Variants in DDR2 observed in about 807,000 individuals in gnomAD.
DDR2 encodes discoidin domain receptor tyrosine kinase 2.
Under a neutral mutation model 94.9 loss-of-function variants are expected in DDR2, and 27 were observed. The ratio of observed to expected loss-of-function variants is 0.28; its 90% CI spans 0.21 to 0.39. The LOEUF (loss-of-function observed/expected upper bound fraction) is 0.39, where lower values mean the gene tolerates loss of function less well. Ranked by LOEUF, DDR2 falls within the 10% of genes least tolerant of loss-of-function variation. The pLI is 1.00. For synonymous variants in DDR2, 382 were observed against 377.2 expected, an observed-to-expected ratio of 1.01 and a Z score of -0.15; for missense variants, 783 against 1,076.0, an observed-to-expected ratio of 0.73 and a Z score of 3.81.
chr1:162,636,373 G>T (rs548072092), intron 1 of DDR2, among the ~76,000 whole-genome samples: 46 of 152,288 alleles, frequency 3.0e-4, no homozygotes, highest in African/African-American at 1.1e-3. Flanking sequence ...GTTTAGCTGG[G>T]CTTCTCCTGG....
At chr1:162,656,626 G>A (rs1234106383) in intron 2 of DDR2, among the ~76,000 whole-genome samples, 1 of 151,172 alleles carries the variant, frequency 6.6e-6, no homozygotes, top group Non-Finnish European at 1.5e-5. Flanking sequence ...ATAGACTCTT[G>A]GTATGGGGGA....
intron 1 of DDR2, among the ~76,000 whole-genome samples, chr1:162,639,027 G>T (rs746898287): frequency 1.3e-5 from 2 of 151,502 alleles, no homozygotes; most frequent in African/African-American, 2.4e-5. Flanking sequence ...GTGCAGTGGC[G>T]CAATCTCGGC....
At chr1:162,715,342 G>A (rs545326128) in intron 2 of DDR2, among the ~76,000 whole-genome samples, 1 of 152,148 alleles carries the variant, frequency 6.6e-6, no homozygotes, top group South Asian at 2.1e-4. Flanking sequence ...GAAACATTAT[G>A]TTTTTAGAGC....
chr1:162,774,670 C>T (rs1647427459), intron 14 of DDR2, among the ~76,000 whole-genome samples: 2 of 152,044 alleles, frequency 1.3e-5, no homozygotes, highest in South Asian at 4.1e-4. Flanking sequence ...CAAACCAAAC[C>T]ACAGGACATA....
intron 1 of DDR2, among the ~76,000 whole-genome samples, chr1:162,644,071 G>T (rs138023863): frequency 6.6e-6 from 1 of 152,170 alleles, no homozygotes; most frequent in East Asian, 1.9e-4. Flanking sequence ...TAGGACTCTA[G>T]TAGGGACACC....
At chr1:162,774,653 A>T (rs1647425638) in intron 14 of DDR2, among the ~76,000 whole-genome samples, 1 of 152,190 alleles carries the variant, frequency 6.6e-6, no homozygotes, top group Non-Finnish European at 1.5e-5. Flanking sequence ...ATGAGGGGAA[A>T]CAAAACCAAA....
intron 2 of DDR2, among the ~76,000 whole-genome samples, chr1:162,702,147 T>C (rs959601927): frequency 6.6e-6 from 1 of 152,172 alleles, no homozygotes; most frequent in Non-Finnish European, 1.5e-5. Flanking sequence ...CTCTTTGTCT[T>C]ATTTTTCTTC....
At chr1:162,715,130 A>C (rs1171443217) in intron 2 of DDR2, among the ~76,000 whole-genome samples, 1 of 152,230 alleles carries the variant, frequency 6.6e-6, no homozygotes, top group Non-Finnish European at 1.5e-5. Context: ...TATGGAATTT[A>C]GAATGACCAG....
rs973596202 is a variant in DDR2 at position 162,632,569 on chromosome 1, G to A, written c.-254G>A. 2.4e-4 allele frequency: 37 copies of A among 152,304 alleles called. No homozygotes were observed. Among genetic ancestry groups the A allele is most frequent in the African/African-American group, 7.2e-4 (30 of 41,578 alleles). 9.4% of individuals were successfully genotyped at this position (152,304 alleles called of 1,614,324 possible). Reference sequence around the variant, plus strand: ...ACAACAAATTCTTCTTTTTGGGTTGGGGAAACGCAGTGGATTATAGCTCTG... The same window carrying A: ...ACAACAAATTCTTCTTTTTGGGTTGAGGAAACGCAGTGGATTATAGCTCTG... On this transcript the variant is annotated 5_prime_UTR_variant, in exon 1 of 18. Coordinates refer to ENST00000367921, the MANE Select transcript of DDR2 (RefSeq NM_006182.4).
At chr1:162,730,058 C>CTTTTTAA (rs1661953788) in intron 3 of DDR2, among the ~76,000 whole-genome samples, 1 of 64,188 alleles carries the variant, frequency 1.6e-5, no homozygotes, top group Non-Finnish European at 3.1e-5. Flanking sequence ...TTTTTTTTTG[C>CTTTTTAA]AAAAAAAAAA....
At chr1:162,689,820 A>G (rs1335470848) in intron 2 of DDR2, among the ~76,000 whole-genome samples, 1 of 106,162 alleles carries the variant, frequency 9.4e-6, no homozygotes, top group Admixed American at 1.2e-4. Flanking sequence ...CCTGGCCAAC[A>G]TGGTGAAACC....
intron 3 of DDR2, among the ~76,000 whole-genome samples, chr1:162,719,468 T>C (rs997636326): frequency 9.9e-5 from 15 of 152,154 alleles, no homozygotes; most frequent in Non-Finnish European, 1.5e-5. Context: ...ACAGAATTTT[T>C]AGATGTCTTG....
chr1:162,707,295 G>A (rs1043503613), intron 2 of DDR2, among the ~76,000 whole-genome samples: 13 of 152,174 alleles, frequency 8.5e-5, no homozygotes, highest in African/African-American at 3.1e-4. Context: ...GGCCTTCTAA[G>A]TCCCTATGAG....
intron 12 of DDR2, 52 bp from the exon 13 acceptor site, chr1:162,771,972 G>C: frequency 6.5e-7 from 1 of 1,544,660 alleles, no homozygotes; most frequent in Non-Finnish European, 8.8e-7. Flanking sequence ...TTCCTGAAGA[G>C]ATCTCCAAAG....
chr1:162,663,913 A>G (rs1190044485), intron 2 of DDR2, among the ~76,000 whole-genome samples: 1 of 152,154 alleles, frequency 6.6e-6, no homozygotes, highest in East Asian at 1.9e-4. Flanking sequence ...AGTCCTGGGG[A>G]AGGGTGCAGA....
At chr1:162,690,141 T>G (rs189875670) in intron 2 of DDR2, among the ~76,000 whole-genome samples, 3 of 152,264 alleles carry the variant, frequency 2.0e-5, no homozygotes, top group Admixed American at 6.5e-5. Flanking sequence ...ACTTTACATG[T>G]GTTTCCTCAC....
chr1:162,669,726 A>C (rs533948605), intron 2 of DDR2, among the ~76,000 whole-genome samples: 1 of 152,374 alleles, frequency 6.6e-6, no homozygotes, highest in African/African-American at 2.4e-5. Flanking sequence ...TTAATTTATG[A>C]ATACAGTAAT....
intron 1 of DDR2, among the ~76,000 whole-genome samples, chr1:162,650,183 C>T (rs1657615252): frequency 6.6e-6 from 1 of 152,076 alleles, no homozygotes; most frequent in African/African-American, 2.4e-5. Context: ...CTCTTGAATG[C>T]CAAAATCAAG....
intron 3 of DDR2, among the ~76,000 whole-genome samples, chr1:162,724,416 C>T (rs939656484): frequency 3.9e-5 from 6 of 152,282 alleles, no homozygotes; most frequent in African/African-American, 1.2e-4. Context: ...ACAGTGCTCA[C>T]ACCTAGTCTC....
Sources: allele counts gnomAD v4.1 joint callset (sites outside exome capture counted in the v4.1 genomes callset), GRCh38; gene constraint gnomAD v4.1.1; transcripts MANE v1.5; gene names NCBI Gene and HGNC (gene_info 2026-07-23, HGNC 2026-07-21).